Variants in EYS observed in about 807,000 individuals in gnomAD.
EYS encodes protein eyes shut homolog.
In EYS, 250 loss-of-function variants were observed where a neutral mutation model predicts 282.1. That is an observed-to-expected ratio of 0.89 (90% confidence interval 0.80 to 0.98). The LOEUF (loss-of-function observed/expected upper bound fraction) is 0.98, where lower values mean the gene tolerates loss of function less well. Among genes scored for constraint, EYS ranks in the 50% least tolerant of loss-of-function variants. EYS has a pLI of 0.00. For synonymous variants in EYS, 1,355 were observed against 1,282.9 expected (o/e 1.06, Z -1.20); for missense variants, 4,016 against 3,709.0 (o/e 1.08, Z -2.15).
At chr6:65,053,816 C>A (rs539178977) in intron 13 of EYS, among the ~76,000 whole-genome samples, 1 of 151,966 alleles carries the variant, frequency 6.6e-6, no homozygotes, top group South Asian at 2.1e-4. Context: ...ATTTTGCTAA[C>A]CTGTATCTAT....
chr6:64,330,883 A>G (rs1169274541), intron 29 of EYS, among the ~76,000 whole-genome samples: 1 of 152,168 alleles, frequency 6.6e-6, no homozygotes. Flanking sequence ...CAGTGGGTGG[A>G]GCATGGAAAG....
At chr6:65,521,934 A>C (rs986810946) in intron 2 of EYS, among the ~76,000 whole-genome samples, 2 of 152,134 alleles carry the variant, frequency 1.3e-5, no homozygotes, top group Admixed American at 6.5e-5. Flanking sequence ...TAAGTGAATA[A>C]ATGATAATTT....
At chr6:63,775,368 T>G (rs1314508823) in intron 40 of EYS, among the ~76,000 whole-genome samples, 2 of 152,230 alleles carry the variant, frequency 1.3e-5, no homozygotes, top group Non-Finnish European at 2.9e-5. Flanking sequence ...ATTAAACTGT[T>G]CATTGTTAAG....
intron 33 of EYS, among the ~76,000 whole-genome samples, chr6:64,019,631 G>A (rs1769080274): frequency 1.3e-5 from 2 of 151,436 alleles, no homozygotes; most frequent in South Asian, 2.1e-4. Context: ...GGCTGGTCTC[G>A]AACTCCTGAC....
chr6:65,142,570 A>G (rs1764374923), intron 12 of EYS, among the ~76,000 whole-genome samples: 1 of 151,436 alleles, frequency 6.6e-6, no homozygotes, highest in African/African-American at 2.4e-5. Flanking sequence ...TAGCAGATGT[A>G]ACTACTGGGA....
intron 41 of EYS, among the ~76,000 whole-genome samples, chr6:63,738,895 A>G (rs1562003266): frequency 2.6e-5 from 4 of 152,140 alleles, no homozygotes; most frequent in Admixed American, 1.3e-4. Context: ...ACTTTCATCG[A>G]TGACTCCAGC....
chr6:65,109,657 TAA>T (rs111607590), intron 12 of EYS, among the ~76,000 whole-genome samples: 1,668 of 136,328 alleles, frequency 0.012, 35 homozygotes, highest in African/African-American at 0.04. Context: ...ACTCCTTACA[TAA>T]AAAAAAAAAA....
intron 33 of EYS, among the ~76,000 whole-genome samples, chr6:64,062,270 C>G (rs977827337): frequency 6.6e-6 from 1 of 152,176 alleles, no homozygotes; most frequent in African/African-American, 2.4e-5. Context: ...CAAAGGCAAT[C>G]GTAAATCCAG....
At chr6:65,559,607 T>C (rs888146152) in intron 2 of EYS, among the ~76,000 whole-genome samples, 11 of 152,114 alleles carry the variant, frequency 7.2e-5, no homozygotes, top group African/African-American at 2.7e-4. Context: ...CAGTTAACTA[T>C]TAATAAAGTA....
chr6:64,927,002 C>A (rs1583300770), intron 15 of EYS, among the ~76,000 whole-genome samples: 1 of 152,216 alleles, frequency 6.6e-6, no homozygotes, highest in East Asian at 1.9e-4. Context: ...AATTTTATAG[C>A]TGAATCTTTT....
At chr6:64,179,521 T>C (rs1764731737) in intron 31 of EYS, among the ~76,000 whole-genome samples, 1 of 152,082 alleles carries the variant, frequency 6.6e-6, no homozygotes, top group South Asian at 2.1e-4. Context: ...ACGGCTTCAA[T>C]ATTACATGTA....
At chr6:64,907,170 T>C (rs930207148) in intron 16 of EYS, among the ~76,000 whole-genome samples, 3 of 152,126 alleles carry the variant, frequency 2.0e-5, no homozygotes, top group Non-Finnish European at 2.9e-5. Context: ...CCTCCTGCTT[T>C]AGCCTCCTGA....
At chr6:65,011,296 C>T (rs944826028) in intron 13 of EYS, among the ~76,000 whole-genome samples, 1 of 152,162 alleles carries the variant, frequency 6.6e-6, no homozygotes, top group African/African-American at 2.4e-5. Flanking sequence ...TAGTCAGGGC[C>T]TGTGAGGTGT....
chr6:64,797,573 A>G (rs188231148), intron 22 of EYS, among the ~76,000 whole-genome samples: 358 of 152,140 alleles, frequency 2.4e-3, no homozygotes, highest in Non-Finnish European at 3.9e-3. Context: ...CTGATTGACC[A>G]ATTGCCAAAT....
At chr6:64,419,607 C>T (rs1774164774) in intron 28 of EYS, among the ~76,000 whole-genome samples, 1 of 152,182 alleles carries the variant, frequency 6.6e-6, no homozygotes, top group African/African-American at 2.4e-5. Context: ...TACACTTGCT[C>T]CAACTGGGAG....
chr6:63,762,587 CTG>C lies in EYS; in HGVS notation c.7943_7944del (p.Thr2648SerfsTer5), dbSNP rs1278985995. 7 of 1,550,248 alleles carry C rather than the reference CTG, an allele frequency of 4.5e-6. No homozygotes were observed. The highest frequency in any genetic ancestry group is 1.4e-5 in the African/African-American group (1 of 72,922). ...TCATGTTCAGGATCACAGGTAGAAA[CTG>C]TCTCTGTGCAGAATGATCCTTTCCA... ...TGWKGSFCTE[T>X]VSTCDPEHDP... On this transcript the variant is annotated frameshift_variant, in exon 41 of 43. Transcript: ENST00000503581. LOFTEE classifies it high-confidence loss of function.
Position 64,675,959 on chromosome 6 carries a change from C to T in EYS, c.3444-49714G>A, listed in dbSNP as rs144950867. ...TTTATATATATCTAGATATATCTAT[C>T]GATATATCTATTGATCGATAGATCT... is the stretch of plus-strand genomic sequence containing the variant. On this transcript the variant is annotated intron_variant, in intron 22 of 42. Coordinates refer to ENST00000503581, the MANE Select transcript of EYS (RefSeq NM_001142800.2). 8.2e-4 allele frequency among the ~76,000 whole-genome samples: 121 copies of T among 147,336 alleles called. 1 individual carries two copies. Among genetic ancestry groups the T allele is most frequent in the African/African-American group, 2.7e-3 (107 of 40,114 alleles).
chr6:64,428,054 T>C (rs939294114), intron 28 of EYS, among the ~76,000 whole-genome samples: 3 of 152,118 alleles, frequency 2.0e-5, no homozygotes, highest in Admixed American at 6.6e-5. Flanking sequence ...CAAAGTATTA[T>C]GTATCTAGCA....
At chr6:63,879,106 A>G (rs1773060388) in intron 35 of EYS, among the ~76,000 whole-genome samples, 1 of 152,092 alleles carries the variant, frequency 6.6e-6, no homozygotes, top group Non-Finnish European at 1.5e-5. Flanking sequence ...CCCCTATTTC[A>G]GGGAGAAAAA....
Sources: allele counts gnomAD v4.1 joint callset (sites outside exome capture counted in the v4.1 genomes callset), GRCh38; gene constraint gnomAD v4.1.1; transcripts MANE v1.5; gene names NCBI Gene and HGNC (gene_info 2026-07-23, HGNC 2026-07-21).